The following NFIB variants were observed in gnomAD, a reference collection of about 807,000 sequenced individuals.
The protein encoded by NFIB is nuclear factor 1 B-type.
NFIB carries 11 observed loss-of-function variants against 61.5 expected under a neutral mutation model. That is an observed-to-expected ratio of 0.18 (90% confidence interval 0.11 to 0.30). The LOEUF is 0.30. NFIB is among the 10% of genes least tolerant of loss of function. NFIB has a pLI of 1.00. For synonymous variants in NFIB, 260 were observed against 216.5 expected, an observed-to-expected ratio of 1.20 and a Z score of -1.76; for missense variants, 471 against 608.9, an observed-to-expected ratio of 0.77 and a Z score of 2.38.
chr9:14,401,184 T>C (rs1376820864), upstream of NFIB, among the ~76,000 whole-genome samples: 3 of 152,224 alleles, frequency 2.0e-5, no homozygotes, highest in Admixed American at 2.0e-4. Context: ...TCATTGTGTG[T>C]CTACCCATTG....
chr9:14,113,232 A>C (rs2037650746), intron 9 of NFIB, among the ~76,000 whole-genome samples, 151 bp from the exon 10 acceptor site: 1 of 152,224 alleles, frequency 6.6e-6, no homozygotes, highest in Admixed American at 6.5e-5. Flanking sequence ...GTGAACACCA[A>C]GTGATAGAAA....
chr9:14,112,866 G>C (rs777052371), intron 10 of NFIB, 133 bp downstream of exon 10: 101 of 705,102 alleles, frequency 1.4e-4, no homozygotes, highest in Non-Finnish European at 2.2e-4. Context: ...AAAAATTCTG[G>C]GAAATGAAAT....
At chr9:14,495,500 C>T in the NFIB span, among the ~76,000 whole-genome samples, 2 of 130,226 alleles carry the variant, frequency 1.5e-5, no homozygotes, top group Non-Finnish European at 3.1e-5. Flanking sequence ...GTTTTAACTG[C>T]TGGACTATGT....
At chr9:14,144,599 G>C (rs1220008581) in intron 6 of NFIB, among the ~76,000 whole-genome samples, 2 of 152,152 alleles carry the variant, frequency 1.3e-5, no homozygotes, top group African/African-American at 4.8e-5. Context: ...TTAAGTGCTG[G>C]TTACAGTAAT....
At chr9:14,448,714 G>T in the NFIB span, among the ~76,000 whole-genome samples, 6 of 152,250 alleles carry the variant, frequency 3.9e-5, no homozygotes, top group African/African-American at 1.4e-4. Context: ...AAATAGAGTG[G>T]GAGCACAGAG....
chr9:14,142,880 G>A (rs1334537910), intron 6 of NFIB, among the ~76,000 whole-genome samples: 1 of 152,098 alleles, frequency 6.6e-6, no homozygotes, highest in Admixed American at 6.6e-5. Context: ...GAAATATTCT[G>A]AAACATAGGA....
At position 14,156,015 on chromosome 9, in the gene NFIB, T is replaced by C. The variant is rs914851091; in HGVS notation, c.617-122A>G. 6.0e-6 allele frequency: 3 copies of C among 502,606 alleles called. No individual in the cohort carries two copies. In the African/African-American group the frequency reaches 6.1e-5, roughly 10 times the overall value. 31.1% of individuals were successfully genotyped at this position (502,606 alleles called of 1,614,324 possible). ...GAACAAAAACCAAATATGCTTACAATAAGGACTTTAAAAAATGACTCTTAG... is the reference window on the plus strand; with the variant it reads ...GAACAAAAACCAAATATGCTTACAACAAGGACTTTAAAAAATGACTCTTAG... On this transcript the variant is annotated intron_variant, in intron 3 of 10. Transcript: ENST00000380953.
the NFIB span, among the ~76,000 whole-genome samples, chr9:14,452,849 G>C: frequency 6.6e-6 from 1 of 152,250 alleles, no homozygotes; most frequent in Admixed American, 6.5e-5. Flanking sequence ...TGGAAGCAGG[G>C]AGGAGAAGGG....
chr9:14,233,421 CT>C (rs766595252), intron 2 of NFIB, among the ~76,000 whole-genome samples: 1,160 of 109,126 alleles, frequency 0.011, 5 homozygotes, highest in African/African-American at 0.022. Flanking sequence ...TGCTATTATT[CT>C]TTTTTTTTTT....
rs943954129 is a variant in NFIB at position 14,325,178 on chromosome 9, T to G, written c.109-17658A>C. On this transcript the variant is annotated intron_variant, in intron 1 of 8. Coordinates refer to the NFIB transcript ENST00000380934. ...TTTTATATTAATCTTTTGTTATAAATTATAAATAATTATTCATTTTTTAAA... is the reference window on the plus strand; with the variant it reads ...TTTTATATTAATCTTTTGTTATAAAGTATAAATAATTATTCATTTTTTAAA... 2.8e-4 allele frequency among the ~76,000 whole-genome samples: 42 copies of G among 152,156 alleles called. 1 individual carries two copies. The highest frequency in any genetic ancestry group is 9.4e-4 in the African/African-American group (39 of 41,570).
At chr9:14,473,223 G>T in the NFIB span, among the ~76,000 whole-genome samples, 1 of 152,222 alleles carries the variant, frequency 6.6e-6, no homozygotes, top group East Asian at 1.9e-4. Context: ...GGAGACCCTG[G>T]GATAATCCCA....
chr9:14,333,066 G>A (rs2060841228), intron 1 of NFIB, among the ~76,000 whole-genome samples: 1 of 152,196 alleles, frequency 6.6e-6, no homozygotes, highest in Admixed American at 6.5e-5. Context: ...GAACGCTATT[G>A]TAGAGCTTTG....
At chr9:14,136,376 T>C (rs753312183) in intron 6 of NFIB, among the ~76,000 whole-genome samples, 4 of 152,108 alleles carry the variant, frequency 2.6e-5, no homozygotes, top group Non-Finnish European at 4.4e-5. Context: ...TCACCATGCC[T>C]CTCGGGAAAA....
the NFIB span, among the ~76,000 whole-genome samples, chr9:14,494,988 C>G: frequency 1.3e-5 from 2 of 152,294 alleles, no homozygotes; most frequent in South Asian, 4.1e-4. Context: ...TTTTGACAAG[C>G]CATTTACTCC....
intron 2 of NFIB, among the ~76,000 whole-genome samples, chr9:14,219,921 C>T (rs538848373): frequency 1.3e-5 from 2 of 152,298 alleles, no homozygotes; most frequent in East Asian, 1.9e-4. Context: ...TATAACAAAG[C>T]TTCCATCCCT....
chr9:14,387,119 G>A (rs185718143), intron 1 of NFIB, among the ~76,000 whole-genome samples: 2 of 152,328 alleles, frequency 1.3e-5, no homozygotes, highest in East Asian at 3.9e-4. Context: ...TTGGGGTTAG[G>A]TGACTAACTG....
chr9:14,383,969 T>C (rs1352284334), intron 1 of NFIB, among the ~76,000 whole-genome samples: 3 of 152,280 alleles, frequency 2.0e-5, no homozygotes, highest in Non-Finnish European at 2.9e-5. Context: ...TAGGAGGGCA[T>C]GTGGCCAAGG....
chr9:14,422,390 A>T, the NFIB span, among the ~76,000 whole-genome samples: 1 of 152,304 alleles, frequency 6.6e-6, no homozygotes, highest in Non-Finnish European at 1.5e-5. Context: ...TTTGCTCACC[A>T]TAATGTTTCT....
chr9:14,485,241 G>A, the NFIB span, among the ~76,000 whole-genome samples: 2 of 152,160 alleles, frequency 1.3e-5, no homozygotes, highest in Non-Finnish European at 2.9e-5. Context: ...TAGTCAAAGA[G>A]CTCTAGGGAA....
Sources: gnomAD v4.1 joint callset for allele counts (sites outside exome capture counted in the v4.1 genomes callset) on GRCh38, gnomAD v4.1.1 for gene constraint, MANE v1.5 for transcripts, NCBI Gene and HGNC (gene_info 2026-07-23, HGNC 2026-07-21) for gene names.